NPAS2: variants seen among roughly 807,000 people sequenced by gnomAD.
NPAS2 encodes the protein neuronal PAS domain protein 2.
NPAS2 carries 23 observed loss-of-function variants against 107.5 expected under a neutral mutation model. The observed-to-expected ratio is 0.21, with a 90% CI of 0.15 to 0.30. The LOEUF is 0.30. NPAS2 is among the 10% of genes least tolerant of loss of function. NPAS2 has a pLI of 1.00. For missense variants in NPAS2, 756 were observed against 1,043.3 expected, an observed-to-expected ratio of 0.72 and a Z score of 3.79; for synonymous variants, 403 against 417.5, an observed-to-expected ratio of 0.97 and a Z score of 0.42.
chr2:100,973,056 G>A (rs1442785402), intron 12 of NPAS2, among the ~76,000 whole-genome samples: 1 of 152,038 alleles, frequency 6.6e-6, no homozygotes, highest in African/African-American at 2.4e-5. Context: ...GCGTGCACCT[G>A]TAATCCCAGC....
intron 4 of NPAS2, chr2:100,934,143 G>A (rs575871154): frequency 6.6e-6 from 1 of 152,348 alleles, no homozygotes; most frequent in Non-Finnish European, 1.5e-5. Flanking sequence ...ACTTTCTGCA[G>A]AAGCAATGCA....
intron 1 of NPAS2, among the ~76,000 whole-genome samples, chr2:100,892,151 G>A (rs1681112025): frequency 6.6e-6 from 1 of 152,218 alleles, no homozygotes; most frequent in Non-Finnish European, 1.5e-5. Flanking sequence ...TGAGGTGATT[G>A]CAACATAAAT....
At chr2:100,909,658 T>C (rs1453660182) in intron 2 of NPAS2, among the ~76,000 whole-genome samples, 2 of 152,112 alleles carry the variant, frequency 1.3e-5, no homozygotes, top group African/African-American at 4.8e-5. Context: ...AGGCTTTGGA[T>C]TGGGTTTTAC....
intron 1 of NPAS2, among the ~76,000 whole-genome samples, chr2:100,850,031 AAAAAAAGC>A (rs1678057659): frequency 1.5e-5 from 2 of 130,984 alleles, no homozygotes; most frequent in Non-Finnish European, 1.6e-5. Context: ...AAAAAAAAAA[AAAAAAAGC>A]AAGAGAAAAT....
intron 20 of NPAS2, chr2:100,994,488 A>G (rs1678328626): frequency 6.6e-6 from 1 of 152,282 alleles, no homozygotes; most frequent in Non-Finnish European, 1.5e-5. Flanking sequence ...ACAAGTTTGC[A>G]TGCACCTGTT....
chr2:100,857,339 C>T (rs913138609), intron 1 of NPAS2, among the ~76,000 whole-genome samples: 5 of 151,288 alleles, frequency 3.3e-5, no homozygotes, highest in East Asian at 3.9e-4. Flanking sequence ...TCCCTGAGAT[C>T]GCCCCTGAGC....
intron 4 of NPAS2, among the ~76,000 whole-genome samples, chr2:100,934,505 C>A (rs1280479970): frequency 6.6e-6 from 1 of 150,774 alleles, no homozygotes; most frequent in African/African-American, 2.4e-5. Flanking sequence ...GGTGTAGACT[C>A]CTAGAAGCCG....
intron 1 of NPAS2, among the ~76,000 whole-genome samples, chr2:100,851,347 G>A (rs1678162275): frequency 6.6e-6 from 1 of 152,344 alleles, no homozygotes. Context: ...GGTACTTCCT[G>A]TGGATGTGCA....
chr2:100,922,850 C>T (rs1435389492), intron 2 of NPAS2, among the ~76,000 whole-genome samples: 1 of 152,114 alleles, frequency 6.6e-6, no homozygotes, highest in East Asian at 1.9e-4. Flanking sequence ...TAGGAGCCTT[C>T]GTCGGAGTTG....
intron 9 of NPAS2, 40 bp downstream of exon 9, chr2:100,964,983 C>A: frequency 1.4e-6 from 2 of 1,381,170 alleles, no homozygotes; most frequent in South Asian, 2.6e-5. Context: ...GGGCCCTTCT[C>A]AAGTCTTGTT....
At chr2:100,902,928 A>G (rs1235079554) in intron 1 of NPAS2, among the ~76,000 whole-genome samples, 1 of 152,218 alleles carries the variant, frequency 6.6e-6, no homozygotes, top group African/African-American at 2.4e-5. Context: ...GCTGAAGAAG[A>G]GGAAATGGGT....
intron 1 of NPAS2, among the ~76,000 whole-genome samples, chr2:100,882,176 A>T (rs1380129424): frequency 6.6e-6 from 1 of 152,220 alleles, no homozygotes; most frequent in East Asian, 1.9e-4. Context: ...GGTTTCCCCC[A>T]GTGGCAACAT....
At chr2:100,867,353 T>G (rs13032665) in intron 1 of NPAS2, among the ~76,000 whole-genome samples, 85,248 of 152,030 alleles carry the variant, frequency 0.56, 26,269 homozygotes, top group Non-Finnish European at 0.71. Context: ...GAGGCTATAT[T>G]ATTAGGTGCA....
intron 1 of NPAS2, among the ~76,000 whole-genome samples, chr2:100,833,241 T>C (rs1676855980): frequency 6.6e-6 from 1 of 152,238 alleles, no homozygotes; most frequent in Non-Finnish European, 1.5e-5. Context: ...CAAGTGGCCT[T>C]GGCAAGTTGC....
rs1490265245 is a variant in NPAS2, at chr2:100,996,258, T to A, written c.*676T>A. ...GCCTAAACCCTAATGGGATGAGGCT[T>A]TTCACCCCAGGCCATGCTGGTGGTG... On this transcript the variant is annotated 3_prime_UTR_variant, in exon 21 of 21. Coordinates refer to ENST00000335681, the MANE Select transcript of NPAS2 (RefSeq NM_002518.4). 1 of 168,846 alleles carries A rather than the reference T, an allele frequency of 5.9e-6. No homozygotes were observed. The highest frequency in any genetic ancestry group is 1.3e-5 in the Non-Finnish European group (1 of 77,670). The allele number at this position is 168,846 out of a possible 1,614,324, so 10.5% of individuals were successfully genotyped here.
intron 15 of NPAS2, among the ~76,000 whole-genome samples, chr2:100,980,713 C>T (rs927339257): frequency 6.6e-6 from 1 of 152,114 alleles, no homozygotes; most frequent in African/African-American, 2.4e-5. Context: ...TCAGGTGATC[C>T]GCCCACCTCG....
intron 1 of NPAS2, among the ~76,000 whole-genome samples, chr2:100,873,625 G>C (rs1360197423): frequency 2.6e-5 from 4 of 151,792 alleles, no homozygotes; most frequent in Admixed American, 2.6e-4. Context: ...TTTACATTTT[G>C]TTGAAACACC....
At chr2:100,866,905 G>A (rs1333093615) in intron 1 of NPAS2, among the ~76,000 whole-genome samples, 4 of 152,200 alleles carry the variant, frequency 2.6e-5, no homozygotes, top group African/African-American at 9.7e-5. Flanking sequence ...GCTCAGTCCA[G>A]TGAGTTGTGT....
chr2:100,891,648 TTTCCAAACTAATTCTGCTGCCTCAA>T (rs1422375332), intron 1 of NPAS2, among the ~76,000 whole-genome samples: 1 of 152,244 alleles, frequency 6.6e-6, no homozygotes, highest in Admixed American at 6.5e-5. Flanking sequence ...ATCTGGCTAG[TTTCCAAACTAATTCTGCTGCCTCAA>T]TTAGCAATTC....
Sources: gnomAD v4.1 joint callset for allele counts (sites outside exome capture counted in the v4.1 genomes callset) on GRCh38, gnomAD v4.1.1 for gene constraint, MANE v1.5 for transcripts, NCBI Gene and HGNC (gene_info 2026-07-23, HGNC 2026-07-21) for gene names.